The following METTL15 variants were observed in gnomAD, a reference collection of about 807,000 sequenced individuals.
METTL15 encodes the protein methyltransferase 15, mitochondrial 12S rRNA N4-cytidine.
A neutral mutation model predicts 38.3 loss-of-function variants in METTL15; 34 were observed. The ratio of observed to expected loss-of-function variants is 0.89; its 90% CI spans 0.68 to 1.18. The LOEUF (loss-of-function observed/expected upper bound fraction) is 1.18, where lower values mean the gene tolerates loss of function less well. Ranked by LOEUF, METTL15 falls within the 50% of genes most tolerant of loss-of-function variation. The pLI is 0.00. For missense variants in METTL15, 438 were observed against 498.4 expected, an observed-to-expected ratio of 0.88 and a Z score of 1.15; for synonymous variants, 162 against 170.9, an observed-to-expected ratio of 0.95 and a Z score of 0.41.
intron 5 of METTL15, among the ~76,000 whole-genome samples, chr11:28,402,537 C>T (rs559746979): frequency 7.9e-5 from 12 of 152,048 alleles, no homozygotes; most frequent in East Asian, 7.8e-4. Context: ...AATCTAGTGA[C>T]GTTCATCACT....
At chr11:28,197,888 A>G (rs745798469) in intron 3 of METTL15, among the ~76,000 whole-genome samples, 6 of 152,034 alleles carry the variant, frequency 3.9e-5, no homozygotes, top group Admixed American at 2.6e-4. Context: ...TATTAGAACC[A>G]TGTTGAAACT....
At chr11:28,521,739 C>T (rs901845635) in intron 6 of METTL15, among the ~76,000 whole-genome samples, 3 of 152,114 alleles carry the variant, frequency 2.0e-5, no homozygotes, top group Non-Finnish European at 4.4e-5. Flanking sequence ...CTGGTTCCTT[C>T]CATGTCCTAG....
chr11:28,455,505 A>T (rs1851160487), intron 6 of METTL15, among the ~76,000 whole-genome samples: 1 of 152,094 alleles, frequency 6.6e-6, no homozygotes, highest in African/African-American at 2.4e-5. Context: ...TAAAAATTTC[A>T]TTCAGCCCTA....
At chr11:28,135,442 C>T (rs1849483424) in intron 3 of METTL15, among the ~76,000 whole-genome samples, 1 of 152,172 alleles carries the variant, frequency 6.6e-6, no homozygotes, top group South Asian at 2.1e-4. Context: ...ACCTGGGGCT[C>T]CTGGGCCTGT....
At chr11:28,492,211 T>C (rs779874217) in intron 6 of METTL15, among the ~76,000 whole-genome samples, 2 of 152,164 alleles carry the variant, frequency 1.3e-5, no homozygotes, top group Non-Finnish European at 2.9e-5. Flanking sequence ...AGCTTTGTAA[T>C]TGAGAACCAC....
intron 4 of METTL15, among the ~76,000 whole-genome samples, chr11:28,359,678 C>A (rs375777030): frequency 6.6e-6 from 1 of 152,084 alleles, no homozygotes; most frequent in East Asian, 1.9e-4. Flanking sequence ...GGATTAGTGA[C>A]AATGAGCTGT....
chr11:28,336,494 G>A (rs1344710969), downstream of METTL15, among the ~76,000 whole-genome samples: 1 of 152,176 alleles, frequency 6.6e-6, no homozygotes, highest in Admixed American at 6.5e-5. Flanking sequence ...GTGAGAAGAG[G>A]CCAATAAAAA....
chr11:28,338,261 T>C (rs1293004940), downstream of METTL15, among the ~76,000 whole-genome samples: 1 of 152,050 alleles, frequency 6.6e-6, no homozygotes, highest in Non-Finnish European at 1.5e-5. Context: ...TCTGTTTTCT[T>C]TCATAATTTG....
intron 3 of METTL15, among the ~76,000 whole-genome samples, chr11:28,174,028 TA>T (rs1850958847): frequency 1.3e-5 from 2 of 152,218 alleles, no homozygotes; most frequent in Admixed American, 6.5e-5. Context: ...TTCTCCATTG[TA>T]AAGTTACTCA....
intron 5 of METTL15, among the ~76,000 whole-genome samples, chr11:28,383,804 TTTA>T (rs1192535470): frequency 7.2e-5 from 11 of 152,160 alleles, no homozygotes; most frequent in African/African-American, 2.7e-4. Context: ...CACTTTTATT[TTTA>T]TTATTTTTTT....
At chr11:28,180,319 T>A (rs1160836855) in intron 3 of METTL15, among the ~76,000 whole-genome samples, 4 of 151,910 alleles carry the variant, frequency 2.6e-5, no homozygotes, top group Non-Finnish European at 5.9e-5. Flanking sequence ...CCTTAATCTT[T>A]GAACAATCCT....
At chr11:28,351,327 T>A (rs1168058075) in intron 3 of METTL15, among the ~76,000 whole-genome samples, 1 of 152,076 alleles carries the variant, frequency 6.6e-6, no homozygotes, top group Non-Finnish European at 1.5e-5. Flanking sequence ...CCCAGGCTGG[T>A]CTCAAACTCC....
chr11:28,253,413 T>C (rs1261920893), intron 4 of METTL15, among the ~76,000 whole-genome samples: 7 of 152,186 alleles, frequency 4.6e-5, no homozygotes, highest in Non-Finnish European at 1.0e-4. Context: ...TCGTGGAGAA[T>C]GGGGTATGCG....
intron 4 of METTL15, among the ~76,000 whole-genome samples, chr11:28,286,757 G>A (rs1856279537): frequency 6.6e-6 from 1 of 151,922 alleles, no homozygotes; most frequent in Non-Finnish European, 1.5e-5. Flanking sequence ...GTAGTGTTTT[G>A]CTTAAGTGGA....
intron 3 of METTL15, among the ~76,000 whole-genome samples, chr11:28,343,560 A>C (rs1190212219): frequency 6.6e-6 from 1 of 152,226 alleles, no homozygotes; most frequent in African/African-American, 2.4e-5. Flanking sequence ...TCCTGCATGC[A>C]GTCTTTCTTC....
chr11:28,447,430 G>T (rs1051568487), intron 6 of METTL15, among the ~76,000 whole-genome samples: 8 of 152,254 alleles, frequency 5.3e-5, no homozygotes, highest in Admixed American at 4.6e-4. Flanking sequence ...TATGTCTGAG[G>T]CCAGATTCCT....
At chr11:28,204,434 C>A (rs1461690008) in intron 3 of METTL15, among the ~76,000 whole-genome samples, 18 of 86,736 alleles carry the variant, frequency 2.1e-4, no homozygotes, top group African/African-American at 6.5e-4. Flanking sequence ...CCTGAGTTTT[C>A]CTTTTTTTTT....
intron 6 of METTL15, among the ~76,000 whole-genome samples, chr11:28,486,467 G>A (rs1851440370): frequency 6.6e-6 from 1 of 152,018 alleles, no homozygotes; most frequent in Admixed American, 6.6e-5. Flanking sequence ...AAATTGGCAG[G>A]CCCTGGAGAT....
intron 6 of METTL15, among the ~76,000 whole-genome samples, chr11:28,427,565 G>A (rs1850876534): frequency 1.3e-5 from 2 of 152,192 alleles, no homozygotes; most frequent in African/African-American, 4.8e-5. Context: ...TTATCCATGA[G>A]CATGGAATGT....
Sources: gnomAD v4.1 joint callset for allele counts (sites outside exome capture counted in the v4.1 genomes callset) on GRCh38, gnomAD v4.1.1 for gene constraint, MANE v1.5 for transcripts, NCBI Gene and HGNC (gene_info 2026-07-23, HGNC 2026-07-21) for gene names.